Variants in CNTNAP2 observed in about 807,000 individuals in gnomAD.
CNTNAP2 encodes contactin associated protein 2, also known as contactin-associated protein-like 2.
A neutral mutation model predicts 155.2 loss-of-function variants in CNTNAP2; 98 were observed. The observed-to-expected ratio is 0.63, with a 90% CI of 0.54 to 0.75. CNTNAP2 has a LOEUF of 0.75. Ranked by LOEUF, CNTNAP2 falls within the 30% of genes least tolerant of loss-of-function variation. The pLI is 0.00. For synonymous variants in CNTNAP2, 651 were observed against 631.2 expected (o/e 1.03, Z -0.47); for missense variants, 1,727 against 1,688.1 (o/e 1.02, Z -0.40).
chr7:146,748,392 T>G (rs568753046), intron 1 of CNTNAP2, among the ~76,000 whole-genome samples: 17 of 152,022 alleles, frequency 1.1e-4, no homozygotes, highest in East Asian at 7.8e-4. Context: ...TGATCCGCCC[T>G]CCTTGGCCTC....
chr7:146,924,362 C>G lies in CNTNAP2; in HGVS notation c.402+84458C>G, dbSNP rs189262773. 1.9e-3 allele frequency among the ~76,000 whole-genome samples: 291 copies of G among 152,266 alleles called. 3 individuals are homozygous for G. Among genetic ancestry groups the G allele is most frequent in the African/African-American group, 6.2e-3 (258 of 41,558 alleles). ...TAAAGAGTCTTAATGCTGTTGGACT[C>G]TGTTATGTTATTCCATTCACTGAGG... On this transcript the variant is annotated intron_variant, in intron 3 of 23. Coordinates refer to ENST00000361727, the MANE Select transcript of CNTNAP2 (RefSeq NM_014141.6).
chr7:146,897,561 T>A (rs1275216861), intron 3 of CNTNAP2, among the ~76,000 whole-genome samples: 1 of 152,058 alleles, frequency 6.6e-6, no homozygotes, highest in Admixed American at 6.6e-5. Flanking sequence ...TTTTATACAC[T>A]GATTTCTTGC....
chr7:147,970,836 A>G (rs1456390140), intron 14 of CNTNAP2, among the ~76,000 whole-genome samples: 1 of 152,216 alleles, frequency 6.6e-6, no homozygotes, highest in Admixed American at 6.5e-5. Context: ...AAAGTGACAG[A>G]TGTTTCAGGT....
intron 1 of CNTNAP2, among the ~76,000 whole-genome samples, chr7:146,468,981 C>T (rs1470504764): frequency 6.6e-6 from 1 of 152,136 alleles, no homozygotes; most frequent in Non-Finnish European, 1.5e-5. Context: ...GTATAGAACA[C>T]TTGTTTTCTC....
At chr7:146,840,587 A>C (rs1222646476) in intron 3 of CNTNAP2, among the ~76,000 whole-genome samples, 2 of 152,008 alleles carry the variant, frequency 1.3e-5, no homozygotes, top group Admixed American at 1.3e-4. Flanking sequence ...ATTAAACCAG[A>C]AGAAGAAGAA....
chr7:146,559,846 A>G (rs1372230011), intron 1 of CNTNAP2, among the ~76,000 whole-genome samples: 1 of 46,756 alleles, frequency 2.1e-5, no homozygotes, highest in Non-Finnish European at 4.6e-5. Flanking sequence ...CATTTAAATT[A>G]CATACAAAAA....
At position 148,030,499 on chromosome 7, in the gene CNTNAP2, G is replaced by A. The variant is rs141124401; in HGVS notation, c.2383+52510G>A. ...TATGCTGGGGAAATTCAATGTCAAG[G>A]AATAATGTATGCTTGAGGAAAGTGT... On this transcript the variant is annotated intron_variant, in intron 15 of 23. Coordinates refer to ENST00000361727, the MANE Select transcript of CNTNAP2 (RefSeq NM_014141.6). Among the ~76,000 whole-genome samples, 1,051 of 151,654 alleles carry A rather than the reference G, an allele frequency of 6.9e-3. 18 individuals are homozygous for A. The highest frequency in any genetic ancestry group is 0.036 in the Admixed American group (549 of 15,136).
chr7:146,413,110 C>A lies in CNTNAP2; in HGVS notation c.97+296137C>A, dbSNP rs184575875. On this transcript the variant is annotated intron_variant, in intron 1 of 23. Transcript: ENST00000361727. Reference sequence around the variant, plus strand: ...TAAGTAATGAAAAAGCAGCAAAATGCAGCCACATAATGGTAAAGACATGAG... The same window carrying A: ...TAAGTAATGAAAAAGCAGCAAAATGAAGCCACATAATGGTAAAGACATGAG... Among the ~76,000 whole-genome samples the A allele has an allele frequency of 2.6e-5, 4 of 152,246 alleles. No homozygotes were observed. In the East Asian group the frequency reaches 7.7e-4, roughly 29 times the overall value.
chr7:147,429,588 T>C (rs923689275), intron 10 of CNTNAP2, among the ~76,000 whole-genome samples: 4 of 152,298 alleles, frequency 2.6e-5, no homozygotes, highest in African/African-American at 9.6e-5. Context: ...CATTTGTTTA[T>C]CTTTGTTTTT....
intron 1 of CNTNAP2, among the ~76,000 whole-genome samples, chr7:146,421,108 TA>T (rs1177150249): frequency 1.3e-5 from 2 of 152,078 alleles, no homozygotes. Flanking sequence ...ACAACTGAGC[TA>T]AAAATTTGTG....
intron 20 of CNTNAP2, among the ~76,000 whole-genome samples, chr7:148,263,599 T>A (rs994777330): frequency 6.6e-6 from 1 of 151,438 alleles, no homozygotes; most frequent in African/African-American, 2.4e-5. Flanking sequence ...TAGCCGGGCG[T>A]GGTGGCGGGC....
chr7:147,402,553 G>A (rs1419061516), intron 10 of CNTNAP2, among the ~76,000 whole-genome samples: 1 of 152,170 alleles, frequency 6.6e-6, no homozygotes, highest in Non-Finnish European at 1.5e-5. Flanking sequence ...AAATTAGGAT[G>A]GTTGGTGACT....
At chr7:148,329,647 C>G (rs1797951456) in intron 21 of CNTNAP2, among the ~76,000 whole-genome samples, 1 of 152,188 alleles carries the variant, frequency 6.6e-6, no homozygotes, top group South Asian at 2.1e-4. Flanking sequence ...TGAGGAGAGG[C>G]TCCTGGTAGG....
At chr7:146,872,543 G>C (rs1368634775) in intron 3 of CNTNAP2, among the ~76,000 whole-genome samples, 3 of 152,150 alleles carry the variant, frequency 2.0e-5, no homozygotes, top group African/African-American at 7.2e-5. Flanking sequence ...AGCCAATAAT[G>C]TGGTACGGCT....
At chr7:146,285,719 C>A (rs1430647434) in intron 1 of CNTNAP2, among the ~76,000 whole-genome samples, 1 of 44,172 alleles carries the variant, frequency 2.3e-5, no homozygotes, top group African/African-American at 1.0e-4. Flanking sequence ...CCCTCCCCTC[C>A]CCTCCCTTCC....
At chr7:146,459,446 A>G (rs1222793789) in intron 1 of CNTNAP2, among the ~76,000 whole-genome samples, 1 of 152,202 alleles carries the variant, frequency 6.6e-6, no homozygotes, top group Non-Finnish European at 1.5e-5. Context: ...TATAATATCA[A>G]CATCACAGCA....
intron 13 of CNTNAP2, among the ~76,000 whole-genome samples, chr7:147,772,313 A>T (rs1797482466): frequency 6.6e-6 from 1 of 150,502 alleles, no homozygotes; most frequent in African/African-American, 2.4e-5. Context: ...GCTACTCGGG[A>T]GGCTGAGGCA....
intron 1 of CNTNAP2, among the ~76,000 whole-genome samples, chr7:146,379,856 G>GA (rs1252317679): frequency 4.0e-5 from 6 of 149,564 alleles, no homozygotes; most frequent in Non-Finnish European, 4.5e-5. Flanking sequence ...CTTTGTAAAA[G>GA]AAAAAAAAAG....
chr7:146,573,267 C>T lies in CNTNAP2; in HGVS notation c.98-201004C>T, dbSNP rs566280011. The stretch of plus-strand genomic sequence containing the variant: ...AAGTGATTCTCCTGCCTCAGCCTCC[C>T]AAGTAGCTGGGACTACCAGTGCACG... On this transcript the variant is annotated intron_variant, in intron 1 of 23. Coordinates refer to ENST00000361727, the MANE Select transcript of CNTNAP2 (RefSeq NM_014141.6). Among the ~76,000 whole-genome samples, 1,044 of 152,128 alleles carry T rather than the reference C, an allele frequency of 6.9e-3. 16 individuals are homozygous for T. The highest frequency in any genetic ancestry group is 0.024 in the African/African-American group (979 of 41,506).
Sources: allele counts gnomAD v4.1 joint callset (sites outside exome capture counted in the v4.1 genomes callset), GRCh38; gene constraint gnomAD v4.1.1; transcripts MANE v1.5; gene names NCBI Gene and HGNC (gene_info 2026-07-23, HGNC 2026-07-21).